Variants in TDRD3 observed in about 807,000 individuals in gnomAD.
TDRD3 encodes the protein tudor domain-containing protein 3.
Under a neutral mutation model 86.7 loss-of-function variants are expected in TDRD3, and 45 were observed. The ratio of observed to expected loss-of-function variants is 0.52; its 90% CI spans 0.41 to 0.67. The LOEUF (loss-of-function observed/expected upper bound fraction) is 0.67. Among genes scored for constraint, TDRD3 ranks in the 30% least tolerant of loss-of-function variants. The pLI, the probability that TDRD3 is intolerant of heterozygous loss-of-function variation, is 0.00. For synonymous variants in TDRD3, 298 were observed against 301.7 expected (o/e 0.99, Z 0.13); for missense variants, 814 against 889.0 (o/e 0.92, Z 1.07).
Position 60,509,922 on chromosome 13 carries a change from A to G in TDRD3, c.1015+3A>G. 2 of 1,612,732 alleles carry G rather than the reference A, an allele frequency of 1.2e-6. No homozygotes were observed. The highest frequency in any genetic ancestry group is 8.5e-7 in the Non-Finnish European group (1 of 1,179,282). On this transcript the variant is annotated splice_donor_region_variant and intron_variant, in intron 9 of 13. Coordinates refer to ENST00000377881, the MANE Select transcript of TDRD3 (RefSeq NM_001146070.2). ...TGTTATGGGTCCTCCTCTGAGAGGT[A>G]TAATTTATTAAGCAGTGTGCCAGAT...
chr13:60,450,337 C>T (rs1955506878), intron 3 of TDRD3, among the ~76,000 whole-genome samples: 1 of 152,142 alleles, frequency 6.6e-6, no homozygotes, highest in Non-Finnish European at 1.5e-5. Context: ...TTTATACCTA[C>T]ATCTGTTTTT....
intron 2 of TDRD3, among the ~76,000 whole-genome samples, chr13:60,443,965 G>A (rs1348536904): frequency 6.6e-6 from 1 of 151,866 alleles, no homozygotes; most frequent in Non-Finnish European, 1.5e-5. Flanking sequence ...TTCTAAAGAG[G>A]ACACAGTCGT....
chr13:60,524,514 A>AAAT (rs1957365642), intron 10 of TDRD3, among the ~76,000 whole-genome samples: 1 of 151,710 alleles, frequency 6.6e-6, no homozygotes, highest in African/African-American at 2.4e-5. Context: ...CTCAAAAAAA[A>AAAT]AAATAAATAA....
chr13:60,484,803 T>C (rs979043372), intron 6 of TDRD3: 41 of 393,118 alleles, frequency 1.0e-4, no homozygotes, highest in African/African-American at 7.4e-4. Context: ...GGGAAAACAG[T>C]GTAAACATTC....
intron 8 of TDRD3, among the ~76,000 whole-genome samples, chr13:60,506,575 G>A (rs1956942099): frequency 6.6e-6 from 1 of 152,104 alleles, no homozygotes; most frequent in African/African-American, 2.4e-5. Flanking sequence ...TGGCTAACAT[G>A]GTGAAAGCCC....
intron 1 of TDRD3, among the ~76,000 whole-genome samples, chr13:60,400,321 A>G (rs1425393153): frequency 6.6e-6 from 1 of 152,266 alleles, no homozygotes; most frequent in Non-Finnish European, 1.5e-5. Flanking sequence ...TTCTACTCAC[A>G]GGAGAAAGAT....
intron 6 of TDRD3, among the ~76,000 whole-genome samples, chr13:60,485,541 A>G (rs180698116): frequency 1.3e-5 from 2 of 152,182 alleles, no homozygotes; most frequent in East Asian, 1.9e-4. Flanking sequence ...GATCCAGTGT[A>G]TGTTTTAAAT....
chr13:60,449,793 T>TTA (rs1381458079), intron 3 of TDRD3, among the ~76,000 whole-genome samples: 1 of 152,096 alleles, frequency 6.6e-6, no homozygotes, highest in African/African-American at 2.4e-5. Context: ...TTAATTTTAT[T>TTA]ATTTACTTTC....
At chr13:60,479,168 A>G in intron 5 of TDRD3, among the ~76,000 whole-genome samples, 1 of 152,202 alleles carries the variant, frequency 6.6e-6, no homozygotes, top group East Asian at 1.9e-4. Flanking sequence ...TCCTCTTATC[A>G]CTGCTTTAGC....
At chr13:60,503,377 A>G (rs1956874404) in intron 8 of TDRD3, among the ~76,000 whole-genome samples, 1 of 152,230 alleles carries the variant, frequency 6.6e-6, no homozygotes, top group Admixed American at 6.5e-5. Flanking sequence ...AGTTAAAAAC[A>G]TGACTGATAA....
At chr13:60,456,963 TGA>T (rs1955689469) in intron 3 of TDRD3, among the ~76,000 whole-genome samples, 1 of 152,174 alleles carries the variant, frequency 6.6e-6, no homozygotes. Flanking sequence ...TCCAAAGTGC[TGA>T]GATTACAGGT....
chr13:60,421,263 CGAA>C (rs1954650582), intron 1 of TDRD3, among the ~76,000 whole-genome samples: 1 of 152,044 alleles, frequency 6.6e-6, no homozygotes. Context: ...TGGCAGAAGA[CGAA>C]GGAGGAGCAA....
intron 7 of TDRD3, among the ~76,000 whole-genome samples, chr13:60,490,188 C>G (rs1230380039): frequency 6.6e-6 from 1 of 150,796 alleles, no homozygotes; most frequent in Admixed American, 6.6e-5. Context: ...AGGACTCAAT[C>G]GATGTAACTC....
intron 1 of TDRD3, among the ~76,000 whole-genome samples, chr13:60,431,938 A>G (rs772273614): frequency 2.4e-4 from 36 of 152,012 alleles, no homozygotes; most frequent in Non-Finnish European, 4.7e-4. Context: ...TATAAGCCAC[A>G]GAGAAAATTA....
chr13:60,553,736 C>T (rs1166160953), intron 12 of TDRD3, among the ~76,000 whole-genome samples: 3 of 151,992 alleles, frequency 2.0e-5, no homozygotes, highest in Non-Finnish European at 2.9e-5. Context: ...CTCACTATCA[C>T]GAGAACAGCA....
In TDRD3 at chr13:60,528,986, A is replaced by C. The variant is rs368683541; in HGVS notation, c.1761A>C (p.Pro587=). ...GAAGTAATAGTTTCATTGGTGTTCC[A>C]AATGGAGAAGTAGAAATGCCACTGA... is the stretch of plus-strand genomic sequence containing the variant. ...PVRSNSFIGV[P]NGEVEMPLKG... is the part of the protein sequence containing the mutation. Residue 587 remains proline (P), a synonymous_variant, in exon 11 of 14, where the codon CCA becomes CCC. Coordinates refer to ENST00000377881, the MANE Select transcript of TDRD3 (RefSeq NM_001146070.2). 38 of 1,613,962 alleles carry C rather than the reference A, an allele frequency of 2.4e-5. No homozygotes were observed. The African/African-American group carries it at 4.7e-4, about 20-fold the overall frequency.
chr13:60,445,836 T>C (rs1955384641), intron 3 of TDRD3, among the ~76,000 whole-genome samples: 1 of 152,188 alleles, frequency 6.6e-6, no homozygotes, highest in Non-Finnish European at 1.5e-5. Context: ...TTTCTGATTC[T>C]TGGTTTTCTG....
At chr13:60,475,757 C>G (rs1227546435) in intron 5 of TDRD3, among the ~76,000 whole-genome samples, 1 of 152,168 alleles carries the variant, frequency 6.6e-6, no homozygotes, top group African/African-American at 2.4e-5. Flanking sequence ...GATGGTATCA[C>G]ATTGTGGTTT....
intron 10 of TDRD3, among the ~76,000 whole-genome samples, chr13:60,523,531 T>G (rs1450778306): frequency 1.3e-5 from 2 of 152,042 alleles, no homozygotes; most frequent in African/African-American, 4.8e-5. Flanking sequence ...TTTAGATCTT[T>G]TACATGTTTT....
Sources: allele counts gnomAD v4.1 joint callset (sites outside exome capture counted in the v4.1 genomes callset), GRCh38; gene constraint gnomAD v4.1.1; transcripts MANE v1.5; gene names NCBI Gene and HGNC (gene_info 2026-07-23, HGNC 2026-07-21).